WNT8A: variants seen among roughly 807,000 people sequenced by gnomAD.
WNT8A encodes protein Wnt-8a.
WNT8A carries 14 observed loss-of-function variants against 20.5 expected under a neutral mutation model. That is an observed-to-expected ratio of 0.68 (90% CI 0.45 to 1.07). WNT8A has a LOEUF of 1.07. Ranked by LOEUF, WNT8A falls within the 50% of genes least tolerant of loss-of-function variation. The probability of loss-of-function intolerance (pLI) is 0.00; values close to 1 mark genes in which losing one functional copy is unlikely to be tolerated. For missense variants in WNT8A, 397 were observed against 462.9 expected (o/e 0.86, Z 1.31); for synonymous variants, 167 against 169.2 (o/e 0.99, Z 0.10).
Position 138,091,493 on chromosome 5 carries a change from A to G in WNT8A, c.*420A>G, listed in dbSNP as rs764126135. 6.7e-6 allele frequency: 9 copies of G among 1,343,972 alleles called. No homozygotes were observed. The Admixed American group carries it at 1.8e-4, about 27-fold the overall frequency. The allele number at this position is 1,343,972 out of a possible 1,614,324, so 83.3% of individuals were successfully genotyped here. A position where few individuals can be genotyped will look rare whatever the true frequency, so the allele number is the denominator to read the frequency against. Reference sequence around the variant, plus strand: ...AGCAAAAAACGAAAGAGTTCTGTTCAGACTTCTGAAGAGCAGCCTGTGGCT... The same window carrying G: ...AGCAAAAAACGAAAGAGTTCTGTTCGGACTTCTGAAGAGCAGCCTGTGGCT... On this transcript the variant is annotated 3_prime_UTR_variant, in exon 5 of 5. Coordinates refer to ENST00000506684, the MANE Select transcript of WNT8A (RefSeq NM_001300939.2).
upstream of WNT8A, among the ~76,000 whole-genome samples, chr5:138,081,894 GTCA>G (rs1018815610): frequency 3.3e-5 from 5 of 152,174 alleles, no homozygotes; most frequent in Non-Finnish European, 7.3e-5. Flanking sequence ...AAGGACAACA[GTCA>G]GTTTGCAGAC....
upstream of WNT8A, among the ~76,000 whole-genome samples, chr5:138,081,019 A>G (rs1257749727): frequency 6.6e-6 from 1 of 152,096 alleles, no homozygotes; most frequent in Admixed American, 6.5e-5. Flanking sequence ...AGACGGGTGG[A>G]TCACGAGGTC....
chr5:138,080,418 T>C (rs1196953885), upstream of WNT8A, among the ~76,000 whole-genome samples: 1 of 140,504 alleles, frequency 7.1e-6, no homozygotes, highest in Admixed American at 7.3e-5. Flanking sequence ...CAATCACCTC[T>C]GGGATTCATA....
Position 138,084,502 on chromosome 5 carries a change from A to T in WNT8A, c.161A>T (p.Tyr54Phe), listed in dbSNP as rs752011227. ...NNFLITGPKA[Y>F]LTYTTSVALG... ...CAGCCCTTTTCCCTTTGCCAGGCCT[A>T]TCTGACCTACACGACTAGTGTGGCC... The change falls in exon 2 of 5, where the codon TAT becomes TTT. Residue 54 changes from tyrosine (Y) to phenylalanine (F), a missense_variant. By Grantham distance (22) the Tyr-to-Phe change is conservative. Transcript: ENST00000506684. The T allele has an allele frequency of 1.9e-6, 3 of 1,605,358 alleles. No individual in the cohort carries two copies. The highest frequency in any genetic ancestry group is 2.6e-6 in the Non-Finnish European group (3 of 1,175,340).
chr5:138,090,868 G>A lies in WNT8A; in HGVS notation c.905G>A (p.Arg302Lys). ...ECLQNSHNTS[R>K]WERRSCGRLC... Reference sequence around the variant, plus strand: ...CTACAGAACAGCCACAACACATCCAGGTGGGAGCGACGTAGCTGTGGGCGC... The same window carrying A: ...CTACAGAACAGCCACAACACATCCAAGTGGGAGCGACGTAGCTGTGGGCGC... Residue 302 changes from arginine to lysine, a missense_variant, in exon 5 of 5, where the codon AGG becomes AAG. Transcript: ENST00000506684. 6.2e-7 allele frequency: 1 copy of A among 1,614,218 alleles called. No homozygotes were observed. The highest frequency in any genetic ancestry group is 2.2e-5 in the East Asian group (1 of 44,886).
At chr5:138,091,557 C>A, downstream of WNT8A, 1 of 1,240,368 alleles carries the variant, frequency 8.1e-7, no homozygotes, top group Admixed American at 2.5e-5. Flanking sequence ...GACCACATAT[C>A]TGCCTACTGG....
At chr5:138,090,473 TA>T in intron 4 of WNT8A, 54 bp from the exon 5 acceptor site, 1 of 1,492,412 alleles carries the variant, frequency 6.7e-7, no homozygotes, top group Non-Finnish European at 9.2e-7. Flanking sequence ...CTTTAATCAC[TA>T]ACCTTTGGTC....
chr5:138,081,094 C>T (rs553594170), upstream of WNT8A, among the ~76,000 whole-genome samples: 3 of 151,900 alleles, frequency 2.0e-5, no homozygotes, highest in African/African-American at 7.2e-5. Flanking sequence ...TCAATACAGG[C>T]GGGCGCCTGT....
chr5:138,080,331 A>C (rs1476708762), upstream of WNT8A, among the ~76,000 whole-genome samples: 3 of 151,094 alleles, frequency 2.0e-5, no homozygotes, highest in Admixed American at 6.6e-5. Flanking sequence ...AAAAAAAAAA[A>C]AACAAAAAAC....
Position 138,084,303 on chromosome 5 carries a change from C to G in WNT8A, c.156+20C>G. On this transcript the variant is annotated intron_variant, in intron 1 of 4. Transcript: ENST00000506684. The stretch of plus-strand genomic sequence containing the variant: ...CCCAAGGTAGGATGATCTCCAGCTT[C>G]TGTTTTTACCCACTGAGGGCCCTAA... 1 of 1,613,458 alleles carries G rather than the reference C, an allele frequency of 6.2e-7. No homozygotes were observed. Among genetic ancestry groups the G allele is most frequent in the Non-Finnish European group, 8.5e-7 (1 of 1,179,606 alleles).
chr5:138,084,499 C>G lies in WNT8A; in HGVS notation c.158C>G (p.Ala53Gly). 6.2e-7 allele frequency: 1 copy of G among 1,601,596 alleles called. No homozygotes were observed. Among genetic ancestry groups the G allele is most frequent in the South Asian group, 1.1e-5 (1 of 89,248 alleles). ...TCACAGCCCTTTTCCCTTTGCCAGG[C>G]CTATCTGACCTACACGACTAGTGTG... ...VNNFLITGPK[A>G]YLTYTTSVAL... Residue 53 changes from alanine to glycine, a missense_variant and splice_region_variant, in exon 2 of 5, where the codon GCC becomes GGC. By Grantham distance (60) the Ala-to-Gly change is moderately conservative. Transcript: ENST00000506684.
At position 138,090,787 on chromosome 5, in the gene WNT8A, A is replaced by T. The variant is rs1168065332; in HGVS notation, c.824A>T (p.Asp275Val). ...CTGATCTTTTTAGAGGAATCACCAG[A>T]TTACTGTACCTGCAATTCCAGCCTG... ...AELIFLEESP[D>V]YCTCNSSLGI... The change falls in exon 5 of 5, where the codon GAT becomes GTT. Residue 275 changes from aspartate to valine, a missense_variant. Coordinates refer to ENST00000506684, the MANE Select transcript of WNT8A (RefSeq NM_001300939.2). 7.4e-6 allele frequency: 12 copies of T among 1,614,100 alleles called. No homozygotes were observed. Among genetic ancestry groups the T allele is most frequent in the Non-Finnish European group, 1.0e-5 (12 of 1,180,046 alleles).
Position 138,084,580 on chromosome 5 carries a change from G to A in WNT8A, c.239G>A (p.Arg80His), listed in dbSNP as rs199721486. ...TGCAAGTTCCAGTTTGCTTGGGAAC[G>A]CTGGAACTGCCCTGAAAATGCTCTT... is the stretch of plus-strand genomic sequence containing the variant. ...EECKFQFAWERWNCPENALQL... is the reference protein window; with the variant it reads ...EECKFQFAWEHWNCPENALQL... The change falls in exon 2 of 5, where the codon CGC becomes CAC. Residue 80 changes from arginine (R) to histidine (H), a missense_variant. By Grantham distance (29) the Arg-to-His change is conservative. Transcript: ENST00000506684. The A allele has an allele frequency of 5.6e-6, 9 of 1,613,638 alleles. No homozygotes were observed. The highest frequency in any genetic ancestry group is 7.6e-6 in the Non-Finnish European group (9 of 1,179,798).
At chr5:138,083,825 CCTT>C (rs1444501252), upstream of WNT8A, 13 of 409,716 alleles carry the variant, frequency 3.2e-5, no homozygotes, top group South Asian at 8.9e-4. Flanking sequence ...AAAGCAGCCT[CCTT>C]CTCATTCTGG....
intron 2 of WNT8A, among the ~76,000 whole-genome samples, chr5:138,087,010 C>T (rs560015122): frequency 6.6e-6 from 1 of 151,356 alleles, no homozygotes; most frequent in South Asian, 2.1e-4. Context: ...CGCGCTACTG[C>T]ACTCCAGCCT....
At chr5:138,088,477 C>G (rs971808546) in intron 3 of WNT8A, among the ~76,000 whole-genome samples, 1 of 152,030 alleles carries the variant, frequency 6.6e-6, no homozygotes, top group African/African-American at 2.4e-5. Flanking sequence ...CTGCCTCAGC[C>G]TCCCGAGTAG....
intron 2 of WNT8A, among the ~76,000 whole-genome samples, chr5:138,085,180 C>T (rs1187555525): frequency 6.6e-6 from 1 of 152,170 alleles, no homozygotes; most frequent in Non-Finnish European, 1.5e-5. Flanking sequence ...GGTGATCCAC[C>T]CACCTCAGCC....
At chr5:138,088,007 G>A in intron 3 of WNT8A, 76 bp downstream of exon 3, 1 of 1,581,664 alleles carries the variant, frequency 6.3e-7, no homozygotes, top group Non-Finnish European at 8.6e-7. Flanking sequence ...GTCTTCCAGA[G>A]AAAGGCTGAG....
Position 138,091,481 on chromosome 5 carries a change from A to T in WNT8A, c.*408A>T. 1 of 1,351,220 alleles carries T rather than the reference A, an allele frequency of 7.4e-7. No individual in the cohort carries two copies. Among genetic ancestry groups the T allele is most frequent in the Non-Finnish European group, 9.8e-7 (1 of 1,021,710 alleles). The allele number at this position is 1,351,220 out of a possible 1,614,324, so 83.7% of individuals were successfully genotyped here. A position where few individuals can be genotyped will look rare whatever the true frequency, so the allele number is the denominator to read the frequency against. Reference sequence around the variant, plus strand: ...CAGGAGAATAGAAGCAAAAAACGAAAGAGTTCTGTTCAGACTTCTGAAGAG... The same window carrying T: ...CAGGAGAATAGAAGCAAAAAACGAATGAGTTCTGTTCAGACTTCTGAAGAG... On this transcript the variant is annotated 3_prime_UTR_variant, in exon 5 of 5. Transcript: ENST00000506684.
Sources: allele counts gnomAD v4.1 joint callset (sites outside exome capture counted in the v4.1 genomes callset), GRCh38; gene constraint gnomAD v4.1.1; transcripts MANE v1.5; gene names NCBI Gene and HGNC (gene_info 2026-07-23, HGNC 2026-07-21).